CCDC91: variants seen among roughly 807,000 people sequenced by gnomAD.
The protein encoded by CCDC91 is coiled-coil domain-containing protein 91.
In CCDC91, 48 loss-of-function variants were observed where a neutral mutation model predicts 63.2. The ratio of observed to expected loss-of-function variants is 0.76; its 90% CI spans 0.60 to 0.97. CCDC91 has a LOEUF of 0.97. Among genes scored for constraint, CCDC91 ranks in the 50% least tolerant of loss-of-function variants. CCDC91 has a pLI of 0.00. For missense variants in CCDC91, 500 were observed against 494.6 expected (o/e 1.01, Z -0.10); for synonymous variants, 167 against 165.8 (o/e 1.01, Z -0.06).
intron 3 of CCDC91, among the ~76,000 whole-genome samples, chr12:28,301,163 C>T (rs1592246631): frequency 6.6e-6 from 1 of 151,574 alleles, no homozygotes; most frequent in Non-Finnish European, 1.5e-5. Flanking sequence ...TTTACGGAAA[C>T]ACCTTTAATC....
intron 12 of CCDC91, among the ~76,000 whole-genome samples, chr12:28,524,981 C>T (rs896815091): frequency 5.9e-5 from 9 of 152,084 alleles, no homozygotes; most frequent in African/African-American, 2.2e-4. Flanking sequence ...GTTGGATGTT[C>T]TCTCTTCTTT....
chr12:28,383,769 A>G (rs1405414473), intron 7 of CCDC91, among the ~76,000 whole-genome samples: 1 of 152,150 alleles, frequency 6.6e-6, no homozygotes, highest in Non-Finnish European at 1.5e-5. Flanking sequence ...TTTCTTTTAT[A>G]TTCCAACAAA....
At chr12:28,218,998 T>C (rs1311672675) in intron 1 of CCDC91, among the ~76,000 whole-genome samples, 4 of 152,174 alleles carry the variant, frequency 2.6e-5, no homozygotes, top group African/African-American at 9.7e-5. Context: ...GTGTGGCAAG[T>C]GTATGTTTAA....
chr12:28,259,405 A>C lies in CCDC91; in HGVS notation c.72A>C (p.Thr24=), dbSNP rs1946668927. Reference sequence around the variant, plus strand: ...ATGGTGGAAGTGGTGAAACCCAAACAACATCTCCTGCTATTCCTTGGGCTG... The same window carrying C: ...ATGGTGGAAGTGGTGAAACCCAAACCACATCTCCTGCTATTCCTTGGGCTG... ...TFDGGSGETQ[T]TSPAIPWAAF... is the part of the protein sequence containing the mutation. The change falls in exon 3 of 13, where the codon ACA becomes ACC. Residue 24 remains threonine (T), a synonymous_variant. Transcript: ENST00000536442. 3 of 1,611,670 alleles carry C rather than the reference A, an allele frequency of 1.9e-6. No individual in the cohort carries two copies. The highest frequency in any genetic ancestry group is 2.5e-6 in the Non-Finnish European group (3 of 1,178,640).
At chr12:28,506,925 A>C (rs763154913) in intron 12 of CCDC91, among the ~76,000 whole-genome samples, 2 of 151,922 alleles carry the variant, frequency 1.3e-5, no homozygotes, top group Non-Finnish European at 2.9e-5. Context: ...CAAATCTACC[A>C]GTAGTCACAT....
rs183286103 is a variant in CCDC91 at position 28,506,085 on chromosome 12, A to T, written c.1215+21920A>T. 7.7e-3 allele frequency among the ~76,000 whole-genome samples: 1,169 copies of T among 152,124 alleles called. 13 individuals carry two copies. Among genetic ancestry groups the T allele is most frequent in the South Asian group, 0.011 (54 of 4,828 alleles). The stretch of plus-strand genomic sequence containing the variant: ...TGTATTTACTTTAGTTAAACAGTTT[A>T]AATGTTTGATGTGAATGTGATACAT... On this transcript the variant is annotated intron_variant, in intron 12 of 12. Coordinates refer to ENST00000536442, the MANE Select transcript of CCDC91 (RefSeq NM_018318.5).
intron 8 of CCDC91, among the ~76,000 whole-genome samples, chr12:28,403,644 T>C (rs1332142430): frequency 6.6e-6 from 1 of 152,162 alleles, no homozygotes; most frequent in Admixed American, 6.6e-5. Context: ...TTTCAACATA[T>C]GAATTTGGAG....
chr12:28,216,237 C>T (rs2135581611), intron 1 of CCDC91, among the ~76,000 whole-genome samples: 1 of 152,054 alleles, frequency 6.6e-6, no homozygotes, highest in Non-Finnish European at 1.5e-5. Flanking sequence ...ATCATTTAAG[C>T]TTTCTTTGTT....
intron 1 of CCDC91, among the ~76,000 whole-genome samples, chr12:28,221,494 G>A (rs1008716791): frequency 3.9e-5 from 6 of 152,052 alleles, no homozygotes; most frequent in African/African-American, 1.2e-4. Context: ...GCTGAATTTT[G>A]TTGTTTTAAA....
chr12:28,293,489 G>A (rs1319862397), intron 3 of CCDC91, among the ~76,000 whole-genome samples: 1 of 152,090 alleles, frequency 6.6e-6, no homozygotes, highest in Non-Finnish European at 1.5e-5. Flanking sequence ...CTTATTTGAG[G>A]ACTGTTGCTT....
At chr12:28,305,307 T>C (rs995839943) in intron 3 of CCDC91, among the ~76,000 whole-genome samples, 1 of 152,000 alleles carries the variant, frequency 6.6e-6, no homozygotes. Context: ...CTGAATGAAA[T>C]GTATGAATAT....
chr12:28,251,650 G>A (rs1043669173), intron 1 of CCDC91, among the ~76,000 whole-genome samples: 1 of 151,828 alleles, frequency 6.6e-6, no homozygotes, highest in Non-Finnish European at 1.5e-5. Context: ...CCTTCATACT[G>A]GTTTCTCTGT....
chr12:28,548,925 G>T, intron 12 of CCDC91, 138 bp from the exon 13 acceptor site: 2 of 580,842 alleles, frequency 3.4e-6, no homozygotes, highest in Non-Finnish European at 6.3e-6. Flanking sequence ...CTGTCATTCA[G>T]TTGAAAGTAC....
intron 8 of CCDC91, among the ~76,000 whole-genome samples, chr12:28,397,521 G>C (rs1946365617): frequency 1.3e-5 from 2 of 152,094 alleles, no homozygotes; most frequent in Admixed American, 1.3e-4. Flanking sequence ...TTGATGGAGT[G>C]GAGTCCTAAG....
At chr12:28,377,119 A>ATT (rs879621980) in intron 7 of CCDC91, among the ~76,000 whole-genome samples, 4 of 134,062 alleles carry the variant, frequency 3.0e-5, no homozygotes, top group Non-Finnish European at 4.9e-5. Context: ...TCTTCCCCCT[A>ATT]TTTTTTTTTT....
chr12:28,351,137 A>G (rs771685164), intron 6 of CCDC91, among the ~76,000 whole-genome samples: 23 of 152,272 alleles, frequency 1.5e-4, no homozygotes, highest in Non-Finnish European at 2.5e-4. Flanking sequence ...TGAAAATCTC[A>G]TCCAAATAAC....
intron 3 of CCDC91, among the ~76,000 whole-genome samples, chr12:28,267,920 TTATAATTATA>T (rs1263413667): frequency 2.7e-4 from 18 of 67,334 alleles, no homozygotes; most frequent in East Asian, 1.3e-3. Flanking sequence ...TATATAATTA[TTATAATTATA>T]TATAATTATA....
At chr12:28,469,093 C>A (rs1950682823) in intron 11 of CCDC91, among the ~76,000 whole-genome samples, 1 of 151,834 alleles carries the variant, frequency 6.6e-6, no homozygotes, top group South Asian at 2.1e-4. Context: ...CTAGAGTAGT[C>A]AGACAAGAAA....
intron 1 of CCDC91, among the ~76,000 whole-genome samples, chr12:28,229,454 T>A (rs1218061965): frequency 6.6e-6 from 1 of 152,198 alleles, no homozygotes; most frequent in Non-Finnish European, 1.5e-5. Flanking sequence ...ATTAAGTGAC[T>A]ACTTTAGGAA....
Sources: gnomAD v4.1 joint callset for allele counts (sites outside exome capture counted in the v4.1 genomes callset) on GRCh38, gnomAD v4.1.1 for gene constraint, MANE v1.5 for transcripts, NCBI Gene and HGNC (gene_info 2026-07-23, HGNC 2026-07-21) for gene names.